The following CCDC85A variants were observed in gnomAD, a reference collection of about 807,000 sequenced individuals.
CCDC85A encodes the protein coiled-coil domain-containing protein 85A.
CCDC85A carries 38 observed loss-of-function variants against 50.2 expected under a neutral mutation model. That is an observed-to-expected ratio of 0.76 (90% CI 0.58 to 0.99). CCDC85A has a LOEUF of 0.99. CCDC85A is among the 50% of genes least tolerant of loss of function. The pLI is 0.00. For synonymous variants in CCDC85A, 366 were observed against 301.4 expected (o/e 1.21, Z -2.22); for missense variants, 820 against 742.0 (o/e 1.11, Z -1.22).
At chr2:56,340,364 C>T (rs552862386) in intron 2 of CCDC85A, among the ~76,000 whole-genome samples, 3 of 152,166 alleles carry the variant, frequency 2.0e-5, no homozygotes, top group African/African-American at 7.2e-5. Flanking sequence ...CTTAGGTGCA[C>T]TACCGTATTG....
intron 2 of CCDC85A, among the ~76,000 whole-genome samples, chr2:56,288,541 G>C (rs1269206259): frequency 6.6e-6 from 1 of 151,948 alleles, no homozygotes; most frequent in Non-Finnish European, 1.5e-5. Flanking sequence ...GTCTAATTAG[G>C]TACTTTTGAT....
At chr2:56,350,541 T>C (rs1201308089) in intron 3 of CCDC85A, among the ~76,000 whole-genome samples, 1 of 152,194 alleles carries the variant, frequency 6.6e-6, no homozygotes, top group Non-Finnish European at 1.5e-5. Context: ...ATATAGTTAA[T>C]TAAATGTAAA....
chr2:56,258,828 G>C (rs554395109), intron 2 of CCDC85A, among the ~76,000 whole-genome samples: 57 of 152,326 alleles, frequency 3.7e-4, no homozygotes, highest in African/African-American at 1.3e-3. Flanking sequence ...TTTTGAAGCA[G>C]AATGAAAGGA....
chr2:56,337,250 A>G (rs1671557953), intron 2 of CCDC85A, among the ~76,000 whole-genome samples: 1 of 152,206 alleles, frequency 6.6e-6, no homozygotes, highest in Non-Finnish European at 1.5e-5. Flanking sequence ...CTGCTTTGAA[A>G]ATGGGCCTGA....
intron 2 of CCDC85A, among the ~76,000 whole-genome samples, chr2:56,306,376 C>T (rs969261421): frequency 6.6e-6 from 1 of 152,136 alleles, no homozygotes; most frequent in African/African-American, 2.4e-5. Context: ...GGTCCACCTG[C>T]GTTGGCCTCC....
At chr2:56,344,368 A>G (rs1049621014) in intron 3 of CCDC85A, among the ~76,000 whole-genome samples, 1 of 152,176 alleles carries the variant, frequency 6.6e-6, no homozygotes, top group African/African-American at 2.4e-5. Context: ...TGTAGACAGC[A>G]TGGATTCATC....
At chr2:56,216,464 T>C (rs1486480042) in intron 2 of CCDC85A, among the ~76,000 whole-genome samples, 3 of 151,784 alleles carry the variant, frequency 2.0e-5, no homozygotes, top group African/African-American at 7.3e-5. Context: ...TAAGTTTTAA[T>C]TTGTTCCTTC....
At chr2:56,343,000 T>C (rs935662408) in intron 3 of CCDC85A, 45 bp downstream of exon 3, 1 of 1,286,380 alleles carries the variant, frequency 7.8e-7, no homozygotes, top group Non-Finnish European at 1.1e-6. Flanking sequence ...GCCATTTAAG[T>C]TGTAGTATTT....
chr2:56,316,136 T>G (rs1402032946), intron 2 of CCDC85A, among the ~76,000 whole-genome samples: 1 of 152,106 alleles, frequency 6.6e-6, no homozygotes, highest in African/African-American at 2.4e-5. Context: ...GAGATTTGGG[T>G]TAGTTAACAG....
At chr2:56,292,087 C>T (rs1671738150) in intron 2 of CCDC85A, among the ~76,000 whole-genome samples, 1 of 151,974 alleles carries the variant, frequency 6.6e-6, no homozygotes. Flanking sequence ...ATTTTCTTTT[C>T]GTTTTTTCTT....
At position 56,275,997 on chromosome 2, in the gene CCDC85A, C is replaced by T. The variant is rs114137890; in HGVS notation, c.1241-66882C>T. 3.8e-3 allele frequency among the ~76,000 whole-genome samples: 579 copies of T among 152,266 alleles called. 5 individuals carry two copies. Among genetic ancestry groups the T allele is most frequent in the African/African-American group, 0.013 (526 of 41,544 alleles). On this transcript the variant is annotated intron_variant, in intron 2 of 5. Coordinates refer to ENST00000407595, the MANE Select transcript of CCDC85A (RefSeq NM_001080433.2). The stretch of plus-strand genomic sequence containing the variant: ...GGGCTAGCCTCATGATGTTTCCTCA[C>T]CCTCTATAAGTATCCTGTTTAAATT...
At chr2:56,315,691 C>T (rs1672890179) in intron 2 of CCDC85A, among the ~76,000 whole-genome samples, 1 of 151,912 alleles carries the variant, frequency 6.6e-6, no homozygotes, top group African/African-American at 2.4e-5. Context: ...GGGGCTCTGC[C>T]AAAATAGAAG....
chr2:56,188,795 G>T (rs1193798596), intron 1 of CCDC85A, among the ~76,000 whole-genome samples: 1 of 152,182 alleles, frequency 6.6e-6, no homozygotes, highest in Non-Finnish European at 1.5e-5. Context: ...GCCTGTTTTG[G>T]CCAGAGGCCT....
At chr2:56,269,648 A>G (rs986636282) in intron 2 of CCDC85A, among the ~76,000 whole-genome samples, 1 of 152,118 alleles carries the variant, frequency 6.6e-6, no homozygotes, top group Non-Finnish European at 1.5e-5. Flanking sequence ...GCTCACATTC[A>G]GTTGTCGTAA....
At chr2:56,268,703 A>G (rs1670565613) in intron 2 of CCDC85A, among the ~76,000 whole-genome samples, 1 of 152,102 alleles carries the variant, frequency 6.6e-6, no homozygotes, top group Non-Finnish European at 1.5e-5. Flanking sequence ...ACCTGACATC[A>G]TTATCACAAA....
chr2:56,193,409 C>A lies in CCDC85A; in HGVS notation c.1209C>A (p.Pro403=). Residue 403 remains proline (P), a synonymous_variant, in exon 2 of 6, where the codon CCC becomes CCA. Transcript: ENST00000407595. ...GGCAGGCACAGGAGGACGGGTCACC[C>A]CATCACCGGAATGTCTACAGTGGCA... ...LRRQAQEDGS[P]HHRNVYSGMN... 6.2e-7 allele frequency: 1 copy of A among 1,609,594 alleles called. No individual in the cohort carries two copies. Among genetic ancestry groups the A allele is most frequent in the East Asian group, 2.2e-5 (1 of 44,744 alleles).
At chr2:56,222,862 T>G (rs532160214) in intron 2 of CCDC85A, among the ~76,000 whole-genome samples, 15 of 152,270 alleles carry the variant, frequency 9.9e-5, no homozygotes, top group Non-Finnish European at 1.6e-4. Flanking sequence ...CTCAAAATCA[T>G]TTTTGGAACT....
At position 56,375,888 on chromosome 2, in the gene CCDC85A, C is replaced by G; in HGVS notation, c.1525C>G (p.His509Asp). 1 of 1,613,810 alleles carries G rather than the reference C, an allele frequency of 6.2e-7. No individual in the cohort carries two copies. Among genetic ancestry groups the G allele is most frequent in the Non-Finnish European group, 8.5e-7 (1 of 1,179,794 alleles). The change falls in exon 5 of 6, where the codon CAT becomes GAT. Residue 509 changes from histidine to aspartate, a missense_variant. Physicochemically the swap from His to Asp is moderately conservative, Grantham distance 81. Transcript: ENST00000407595. ...CAACTCTGCAGCTAGCTTCAGTGGA[C>G]ATGCCACACCTTCCCAGCAGCCTGA... is the stretch of plus-strand genomic sequence containing the variant. ...SPNSAASFSG[H>D]ATPSQQPEPV...
chr2:56,363,825 C>G (rs1675656294), intron 3 of CCDC85A, among the ~76,000 whole-genome samples: 1 of 152,180 alleles, frequency 6.6e-6, no homozygotes, highest in Non-Finnish European at 1.5e-5. Context: ...TACTTCTTTG[C>G]CATTGCATCC....
Sources: allele counts gnomAD v4.1 joint callset (sites outside exome capture counted in the v4.1 genomes callset), GRCh38; gene constraint gnomAD v4.1.1; transcripts MANE v1.5; gene names NCBI Gene and HGNC (gene_info 2026-07-23, HGNC 2026-07-21).